SNX29: variants seen among roughly 807,000 people sequenced by gnomAD.
SNX29 encodes the protein sorting nexin-29.
Under a neutral mutation model 102.1 loss-of-function variants are expected in SNX29, and 78 were observed. The observed-to-expected ratio is 0.76, with a 90% CI of 0.64 to 0.92. SNX29 has a LOEUF of 0.92. Ranked by LOEUF, SNX29 falls within the 40% of genes least tolerant of loss-of-function variation. SNX29 has a pLI of 0.00. For synonymous variants in SNX29, 580 were observed against 414.5 expected (o/e 1.40, Z -4.85); for missense variants, 1,280 against 1,061.7 (o/e 1.21, Z -2.86).
intron 16 of SNX29, among the ~76,000 whole-genome samples, chr16:12,380,091 A>T (rs1321137800): frequency 6.6e-6 from 1 of 150,926 alleles, no homozygotes; most frequent in Non-Finnish European, 1.5e-5. Context: ...TAATTTCTTA[A>T]CCTTGCAGAA....
At chr16:12,288,767 C>T (rs867401181) in intron 15 of SNX29, among the ~76,000 whole-genome samples, 2 of 151,614 alleles carry the variant, frequency 1.3e-5, no homozygotes, top group East Asian at 1.9e-4. Context: ...GTGTTAATTG[C>T]ATTACATGGA....
intron 13 of SNX29, among the ~76,000 whole-genome samples, chr16:12,179,844 C>T (rs2076342061): frequency 6.6e-6 from 1 of 152,216 alleles, no homozygotes; most frequent in African/African-American, 2.4e-5. Flanking sequence ...TATGTTACTA[C>T]ATTTTCTTGA....
chr16:12,573,546 TC>T lies in SNX29; in HGVS notation c.*4920del, dbSNP rs1038792112. On this transcript the variant is annotated 3_prime_UTR_variant, in exon 21 of 21. Transcript: ENST00000566228. ...AGTTCTTACTGGTGCGTAAGTGTTT[TC>T]CCATCCTAACCGGAAAACCACTCAC... is the stretch of plus-strand genomic sequence containing the variant. 2 of 224,456 alleles carry T rather than the reference TC, an allele frequency of 8.9e-6. No homozygotes were observed. Among genetic ancestry groups the T allele is most frequent in the Admixed American group, 1.1e-4 (2 of 17,500 alleles). The allele number at this position is 224,456 out of a possible 1,614,324, so 13.9% of individuals were successfully genotyped here. A position where few individuals can be genotyped will look rare whatever the true frequency, so the allele number is the denominator to read the frequency against.
intron 3 of SNX29, among the ~76,000 whole-genome samples, chr16:12,005,883 C>G (rs1313315199): frequency 6.6e-6 from 1 of 152,184 alleles, no homozygotes; most frequent in Non-Finnish European, 1.5e-5. Context: ...CGAAACATTT[C>G]TGATCCTAAG....
chr16:11,990,104 C>T (rs2055790832), intron 1 of SNX29, among the ~76,000 whole-genome samples: 1 of 152,208 alleles, frequency 6.6e-6, no homozygotes, highest in Admixed American at 6.5e-5. Flanking sequence ...CGGCCAGCCC[C>T]CACCTTCCAG....
chr16:12,290,335 CT>C (rs542642194), intron 15 of SNX29, among the ~76,000 whole-genome samples: 1 of 152,128 alleles, frequency 6.6e-6, no homozygotes, highest in Non-Finnish European at 1.5e-5. Context: ...GAACCCTGTT[CT>C]TTTTTTATGA....
At chr16:12,029,492 G>C (rs1450283776) in intron 4 of SNX29, 7 of 453,024 alleles carry the variant, frequency 1.5e-5, no homozygotes, top group Non-Finnish European at 3.1e-5. Flanking sequence ...ACAGAATACA[G>C]TATGGAGAAA....
intron 11 of SNX29, among the ~76,000 whole-genome samples, chr16:12,121,510 C>A (rs914256930): frequency 6.6e-6 from 1 of 152,212 alleles, no homozygotes; most frequent in South Asian, 2.1e-4. Context: ...CAGCAGGAGA[C>A]GAAGGCAGGA....
chr16:12,544,608 A>T (rs1005357083), intron 20 of SNX29, among the ~76,000 whole-genome samples: 4 of 152,066 alleles, frequency 2.6e-5, no homozygotes, highest in African/African-American at 9.7e-5. Flanking sequence ...GTCACTCCTG[A>T]CTCTGCGTCA....
chr16:12,104,335 C>G (rs1471191372), intron 11 of SNX29, among the ~76,000 whole-genome samples: 1 of 152,162 alleles, frequency 6.6e-6, no homozygotes, highest in African/African-American at 2.4e-5. Flanking sequence ...ATGGGCAGAT[C>G]ACCTGAGGTC....
At chr16:12,438,984 C>T (rs2151661043) in intron 18 of SNX29, among the ~76,000 whole-genome samples, 1 of 152,306 alleles carries the variant, frequency 6.6e-6, no homozygotes, top group South Asian at 2.1e-4. Context: ...ACAGGATTGT[C>T]CACCTGCCAT....
At chr16:12,558,715 G>A (rs953346897) in intron 20 of SNX29, among the ~76,000 whole-genome samples, 3 of 152,136 alleles carry the variant, frequency 2.0e-5, no homozygotes, top group African/African-American at 7.2e-5. Context: ...GTTTCTACGG[G>A]GGGCTGCACA....
intron 15 of SNX29, among the ~76,000 whole-genome samples, chr16:12,282,751 G>T (rs1018927854): frequency 3.9e-5 from 6 of 152,196 alleles, no homozygotes; most frequent in African/African-American, 1.4e-4. Context: ...CCCCTCCCAG[G>T]TTCAAGCGAT....
chr16:12,102,489 G>C (rs913056961), intron 11 of SNX29, among the ~76,000 whole-genome samples: 1 of 152,124 alleles, frequency 6.6e-6, no homozygotes. Context: ...TCTCATTGTG[G>C]TTTTGATTTG....
intron 18 of SNX29, among the ~76,000 whole-genome samples, chr16:12,426,338 G>T (rs1352737410): frequency 1.3e-5 from 2 of 152,154 alleles, no homozygotes; most frequent in African/African-American, 2.4e-5. Flanking sequence ...CTCCTGGCAG[G>T]GGGGTAAGAG....
chr16:12,067,078 A>G (rs917100731), intron 9 of SNX29, among the ~76,000 whole-genome samples: 3 of 151,884 alleles, frequency 2.0e-5, no homozygotes, highest in Non-Finnish European at 4.4e-5. Context: ...CTAGCTACTC[A>G]GGAGGCTGAG....
chr16:12,043,151 C>G (rs2049954226), intron 5 of SNX29, 74 bp downstream of exon 5: 1 of 1,561,332 alleles, frequency 6.4e-7, no homozygotes, highest in South Asian at 1.2e-5. Context: ...ATCAGACCAC[C>G]TGGATTTTCA....
intron 18 of SNX29, among the ~76,000 whole-genome samples, chr16:12,430,897 G>C (rs971627245): frequency 2.7e-5 from 4 of 150,376 alleles, no homozygotes; most frequent in African/African-American, 9.9e-5. Context: ...GTCGTGCCCA[G>C]GCTGGAGTGC....
rs200226941 is a variant in SNX29, at chr16:12,568,518, G to C, written c.2331G>C (p.Pro777=). Reference sequence around the variant, plus strand: ...CCTGCTCTTTCAGCGACATCACCCCGCCCGGAGAGCCTGTGAACAGCCGGC... The same window carrying C: ...CCTGCTCTTTCAGCGACATCACCCCCCCCGGAGAGCCTGTGAACAGCCGGC... ...QLMPFFVDIT[P]PGEPVNSRPK... The change falls in exon 21 of 21, where the codon CCG becomes CCC. Residue 777 remains proline, a synonymous_variant. Coordinates refer to ENST00000566228, the MANE Select transcript of SNX29 (RefSeq NM_032167.5). 19 of 1,609,624 alleles carry C rather than the reference G, an allele frequency of 1.2e-5. No homozygotes were observed. Among genetic ancestry groups the C allele is most frequent in the South Asian group, 5.5e-5 (5 of 91,060 alleles).
Sources: allele counts gnomAD v4.1 joint callset (sites outside exome capture counted in the v4.1 genomes callset), GRCh38; gene constraint gnomAD v4.1.1; transcripts MANE v1.5; gene names NCBI Gene and HGNC (gene_info 2026-07-23, HGNC 2026-07-21).